SRPRB: variants seen among roughly 807,000 people sequenced by gnomAD.
The protein encoded by SRPRB is signal recognition particle receptor subunit beta.
SRPRB carries 20 observed loss-of-function variants against 31.9 expected under a neutral mutation model. That is an observed-to-expected ratio of 0.63 (90% CI 0.44 to 0.91). The LOEUF (loss-of-function observed/expected upper bound fraction) is 0.91, where lower values mean the gene tolerates loss of function less well. SRPRB is among the 40% of genes least tolerant of loss of function. The pLI, the probability that SRPRB is intolerant of heterozygous loss-of-function variation, is 0.00. For synonymous variants in SRPRB, 146 were observed against 132.8 expected, an observed-to-expected ratio of 1.10 and a Z score of -0.68; for missense variants, 321 against 324.9, an observed-to-expected ratio of 0.99 and a Z score of 0.09.
In SRPRB at chr3:133,815,583, C is replaced by T. The variant is rs750351516; in HGVS notation, c.411-7C>T. ...ACATGCCAGTTTTTCTTGTTTTCTC[C>T]CTCCAGGGCTATTGTGTTTGTTGTG... is the stretch of plus-strand genomic sequence containing the variant. On this transcript the variant is annotated splice_region_variant and splice_polypyrimidine_tract_variant and intron_variant, in intron 4 of 6. Transcript: ENST00000678299. 3.7e-6 allele frequency: 6 copies of T among 1,611,016 alleles called. No homozygotes were observed. The East Asian group carries it at 6.7e-5, about 18-fold the overall frequency.
At chr3:133,807,869 G>A (rs1329648269) in intron 3 of SRPRB, 46 bp downstream of exon 3, 21 of 1,462,376 alleles carry the variant, frequency 1.4e-5, no homozygotes, top group Non-Finnish European at 1.9e-5. Context: ...TTACTTTACT[G>A]TGGTGTGTCA....
At position 133,819,894 on chromosome 3, in the gene SRPRB, A is replaced by G. The variant is rs576103900; in HGVS notation, c.*128A>G. The stretch of plus-strand genomic sequence containing the variant: ...GAAACATTTCTTTGTTCTGGAAACA[A>G]AGTACTGTTGAAACCAGCTTGGAAT... On this transcript the variant is annotated 3_prime_UTR_variant, in exon 7 of 7. Transcript: ENST00000678299. The G allele has an allele frequency of 2.1e-5, 19 of 893,502 alleles. No homozygotes were observed. The South Asian group carries it at 3.3e-4, about 15-fold the overall frequency. The allele number at this position is 893,502 out of a possible 1,614,324, so 55.3% of individuals were successfully genotyped here.
intron 4 of SRPRB, among the ~76,000 whole-genome samples, chr3:133,811,494 A>G (rs1014236673): frequency 6.6e-6 from 1 of 152,182 alleles, no homozygotes; most frequent in Non-Finnish European, 1.5e-5. Flanking sequence ...AATAATGTAT[A>G]TGACTATTAA....
intron 6 of SRPRB, among the ~76,000 whole-genome samples, chr3:133,819,012 G>C (rs558713754): frequency 2.5e-4 from 38 of 152,202 alleles, no homozygotes; most frequent in African/African-American, 9.2e-4. Flanking sequence ...CCCTTTATTA[G>C]GGCCAGCAGG....
At chr3:133,826,236 G>A (rs1302800793), downstream of SRPRB, 1 of 152,204 alleles carries the variant, frequency 6.6e-6, no homozygotes, top group African/African-American at 2.4e-5. Flanking sequence ...AAGAGAGGAT[G>A]TTGTGTGCAT....
intron 1 of SRPRB, 37 bp downstream of exon 1, chr3:133,806,039 G>T (rs1397662167): frequency 3.7e-6 from 6 of 1,601,738 alleles, no homozygotes; most frequent in East Asian, 2.2e-5. Flanking sequence ...GGTTTGGGGC[G>T]GGCAGAGGTC....
chr3:133,809,271 G>C (rs977435815), intron 3 of SRPRB, among the ~76,000 whole-genome samples: 18 of 152,290 alleles, frequency 1.2e-4, no homozygotes, highest in African/African-American at 2.6e-4. Context: ...GGGATTACAG[G>C]CGTGAGCCAC....
intron 4 of SRPRB, among the ~76,000 whole-genome samples, chr3:133,813,261 T>G (rs1342274457): frequency 6.6e-6 from 1 of 152,220 alleles, no homozygotes; most frequent in Admixed American, 6.5e-5. Flanking sequence ...AAACCAAAGA[T>G]TCTCCTCAGT....
At chr3:133,818,856 C>T (rs1184522515) in intron 6 of SRPRB, among the ~76,000 whole-genome samples, 3 of 148,724 alleles carry the variant, frequency 2.0e-5, no homozygotes, top group Non-Finnish European at 4.4e-5. Context: ...TTAGTTTTGC[C>T]TGTGGATTCT....
At chr3:133,828,338 G>T (rs1042753294), downstream of SRPRB, 1 of 352,544 alleles carries the variant, frequency 2.8e-6, no homozygotes, top group Non-Finnish European at 5.1e-6. Context: ...TTAATTTATT[G>T]GGCTGGGGAT....
At chr3:133,806,339 G>A (rs548152481) in intron 1 of SRPRB, among the ~76,000 whole-genome samples, 8 of 152,312 alleles carry the variant, frequency 5.3e-5, no homozygotes, top group Non-Finnish European at 8.8e-5. Context: ...TCAGCCTCCC[G>A]TGTTTGCGTG....
chr3:133,804,246 C>T (rs901355732), upstream of SRPRB, among the ~76,000 whole-genome samples: 28 of 151,950 alleles, frequency 1.8e-4, no homozygotes, highest in African/African-American at 5.6e-4. Context: ...TGTGAGTCAC[C>T]GGGTCCTCCC....
chr3:133,819,722 G>A lies in SRPRB; in HGVS notation c.772G>A (p.Ala258Thr), dbSNP rs745614422. 8.1e-6 allele frequency: 13 copies of A among 1,614,068 alleles called. No individual in the cohort carries two copies. Among genetic ancestry groups the A allele is most frequent in the African/African-American group, 4.0e-5 (3 of 74,910 alleles). ...GGGTGGAAGAGGGGACGTGGGCTCTGCTGACATCCAGGACTTGGAGAAATG... is the reference window on the plus strand; with the variant it reads ...GGGTGGAAGAGGGGACGTGGGCTCTACTGACATCCAGGACTTGGAGAAATG... Reference protein sequence around the residue: ...AKGGRGDVGSADIQDLEKWLA... With the variant: ...AKGGRGDVGSTDIQDLEKWLA... The change falls in exon 7 of 7, where the codon GCT (alanine) becomes ACT (threonine). Residue 258 changes from alanine (A) to threonine (T), a missense_variant. By Grantham distance (58) the Ala-to-Thr change is moderately conservative. Coordinates refer to ENST00000678299, the MANE Select transcript of SRPRB (RefSeq NM_001379313.1).
At chr3:133,815,921 A>G (rs1217873482) in intron 5 of SRPRB, among the ~76,000 whole-genome samples, 195 bp downstream of exon 5, 6 of 152,246 alleles carry the variant, frequency 3.9e-5, no homozygotes, top group Non-Finnish European at 8.8e-5. Context: ...CCAGAAGACC[A>G]AGGAATGATA....
At chr3:133,805,086 A>G (rs763756857), upstream of SRPRB, among the ~76,000 whole-genome samples, 2 of 152,172 alleles carry the variant, frequency 1.3e-5, no homozygotes, top group African/African-American at 2.4e-5. Context: ...CATAACACCT[A>G]CCTGGCTGAA....
In SRPRB at chr3:133,811,108, C is replaced by T. The variant is rs1418671897; in HGVS notation, c.328-9C>T. On this transcript the variant is annotated splice_polypyrimidine_tract_variant and intron_variant, in intron 3 of 6. Coordinates refer to ENST00000678299, the MANE Select transcript of SRPRB (RefSeq NM_001379313.1). ...ATTGAAACGTTAATGTTATTGCTGC[C>T]ATCCCCAGGGCAATAGTCTGACCTT... 1.7e-5 allele frequency: 27 copies of T among 1,613,726 alleles called. No homozygotes were observed. The highest frequency in any genetic ancestry group is 2.3e-5 in the Non-Finnish European group (27 of 1,179,838).
chr3:133,822,794 T>G (rs894565262), downstream of SRPRB, among the ~76,000 whole-genome samples: 1 of 152,212 alleles, frequency 6.6e-6, no homozygotes, highest in African/African-American at 2.4e-5. Flanking sequence ...AAGATGCCTA[T>G]CTCTTTATCT....
At chr3:133,791,239 A>C (rs145966471) in intron 1 of SRPRB, 5 of 152,304 alleles carry the variant, frequency 3.3e-5, no homozygotes, top group Non-Finnish European at 7.4e-5. Context: ...AATTCTGTTT[A>C]TGATACTTTA....
chr3:133,818,456 CTG>C, intron 6 of SRPRB, among the ~76,000 whole-genome samples: 1 of 152,288 alleles, frequency 6.6e-6, no homozygotes, highest in South Asian at 2.1e-4. Flanking sequence ...AATTCGGAAT[CTG>C]ACTAATTTTA....
Sources: gnomAD v4.1 joint callset for allele counts (sites outside exome capture counted in the v4.1 genomes callset) on GRCh38, gnomAD v4.1.1 for gene constraint, MANE v1.5 for transcripts, NCBI Gene and HGNC (gene_info 2026-07-23, HGNC 2026-07-21) for gene names.